CTNNA3: variants seen among roughly 807,000 people sequenced by gnomAD.
CTNNA3 encodes the protein catenin alpha 3, also known as catenin alpha-3.
A neutral mutation model predicts 95.7 loss-of-function variants in CTNNA3; 76 were observed. The ratio of observed to expected loss-of-function variants is 0.79; its 90% CI spans 0.66 to 0.96. The LOEUF (loss-of-function observed/expected upper bound fraction) is 0.96. CTNNA3 is among the 40% of genes least tolerant of loss of function. The pLI is 0.00. For synonymous variants in CTNNA3, 431 were observed against 374.4 expected (o/e 1.15, Z -1.74); for missense variants, 1,191 against 1,089.8 (o/e 1.09, Z -1.31).
intron 3 of CTNNA3, among the ~76,000 whole-genome samples, chr10:67,556,084 T>A (rs1841236905): frequency 6.6e-6 from 1 of 152,206 alleles, no homozygotes; most frequent in Non-Finnish European, 1.5e-5. Flanking sequence ...TGAACCAGCC[T>A]TGCATCCCAG....
chr10:66,143,559 C>T (rs2083724240), intron 13 of CTNNA3, among the ~76,000 whole-genome samples: 1 of 152,146 alleles, frequency 6.6e-6, no homozygotes, highest in Non-Finnish European at 1.5e-5. Flanking sequence ...TTTAAAGCTA[C>T]CACAAATCAA....
intron 14 of CTNNA3, among the ~76,000 whole-genome samples, chr10:66,086,520 T>C (rs2080991172): frequency 6.6e-6 from 1 of 152,006 alleles, no homozygotes; most frequent in South Asian, 2.1e-4. Flanking sequence ...AATAAACATA[T>C]GTTTGCAAAT....
At chr10:66,449,568 G>A (rs1230015765) in intron 11 of CTNNA3, among the ~76,000 whole-genome samples, 2 of 151,844 alleles carry the variant, frequency 1.3e-5, no homozygotes, top group Non-Finnish European at 2.9e-5. Context: ...TTTCAAATGA[G>A]TGCCTTTGGA....
Position 66,747,554 on chromosome 10 carries a change from CACTTAGCTACCTTCCAGTCATA to C in CTNNA3, c.1281+18688_1281+18709del, listed in dbSNP as rs548835951. On this transcript the variant is annotated intron_variant, in intron 9 of 17. Transcript: ENST00000433211. ...TTATGGAAAACTGACCTATGCACGT[CACTTAGCTACCTTCCAGTCATA>C]ACTCAGATCTAATCTTTCTTAGCTC... 3.4e-3 allele frequency among the ~76,000 whole-genome samples: 522 copies of C among 152,308 alleles called. 2 individuals are homozygous for C. Among genetic ancestry groups the C allele is most frequent in the African/African-American group, 8.7e-3 (361 of 41,560 alleles).
intron 9 of CTNNA3, among the ~76,000 whole-genome samples, chr10:66,704,971 C>A (rs147408634): frequency 5.3e-5 from 8 of 152,094 alleles, no homozygotes; most frequent in Admixed American, 5.2e-4. Flanking sequence ...GAGTGAATAT[C>A]CTTGTCTTAT....
At chr10:67,690,627 A>G (rs1486146406) in intron 1 of CTNNA3, among the ~76,000 whole-genome samples, 1 of 152,154 alleles carries the variant, frequency 6.6e-6, no homozygotes. Flanking sequence ...GCTAGACTAG[A>G]CACAGAGCAC....
intron 6 of CTNNA3, among the ~76,000 whole-genome samples, chr10:67,212,510 T>C (rs1864179934): frequency 6.6e-6 from 1 of 151,940 alleles, no homozygotes; most frequent in Non-Finnish European, 1.5e-5. Context: ...AATTTACTCA[T>C]TTTTATTCAT....
intron 13 of CTNNA3, among the ~76,000 whole-genome samples, chr10:66,214,839 C>G (rs1030277951): frequency 9.9e-5 from 15 of 152,004 alleles, no homozygotes; most frequent in African/African-American, 3.6e-4. Context: ...TGCCAGGTGG[C>G]TGCCTGAGGG....
At chr10:66,160,816 C>A (rs1054394775) in intron 13 of CTNNA3, among the ~76,000 whole-genome samples, 3 of 152,098 alleles carry the variant, frequency 2.0e-5, no homozygotes, top group Non-Finnish European at 4.4e-5. Flanking sequence ...CTGTCTATCT[C>A]ATTTCTTAGG....
At chr10:67,264,428 A>G (rs1462179674) in intron 5 of CTNNA3, among the ~76,000 whole-genome samples, 1 of 152,164 alleles carries the variant, frequency 6.6e-6, no homozygotes, top group African/African-American at 2.4e-5. Flanking sequence ...CAGCTATATG[A>G]GGTACTATTT....
intron 5 of CTNNA3, among the ~76,000 whole-genome samples, chr10:67,385,398 A>C (rs557626728): frequency 6.6e-6 from 1 of 152,318 alleles, no homozygotes; most frequent in East Asian, 1.9e-4. Context: ...ATAATAAGGA[A>C]ACTTGAACCA....
Position 66,008,798 on chromosome 10 carries a change from G to C in CTNNA3, c.2160-20001C>G, listed in dbSNP as rs561499185. 1.4e-4 allele frequency among the ~76,000 whole-genome samples: 21 copies of C among 152,248 alleles called. No individual in the cohort carries two copies. The South Asian group carries it at 3.9e-3, about 29-fold the overall frequency. ...AGGAGAAATTTGTGAATGAGTATTA[G>C]AGGATGCAAATCTGTACTTCAGGCC... On this transcript the variant is annotated intron_variant, in intron 15 of 17. Coordinates refer to ENST00000433211, the MANE Select transcript of CTNNA3 (RefSeq NM_013266.4).
chr10:66,006,717 T>A (rs1453992151), intron 15 of CTNNA3, among the ~76,000 whole-genome samples: 1 of 152,176 alleles, frequency 6.6e-6, no homozygotes, highest in African/African-American at 2.4e-5. Context: ...GACCAACTTT[T>A]ATAAGCTCAG....
intron 13 of CTNNA3, among the ~76,000 whole-genome samples, chr10:66,211,584 T>C (rs1234362661): frequency 6.6e-6 from 1 of 152,144 alleles, no homozygotes; most frequent in East Asian, 1.9e-4. Context: ...AAGCCTGTGT[T>C]TGAGTTTAAA....
At chr10:66,845,182 A>G (rs2132358798) in intron 7 of CTNNA3, among the ~76,000 whole-genome samples, 1 of 152,306 alleles carries the variant, frequency 6.6e-6, no homozygotes, top group Non-Finnish European at 1.5e-5. Flanking sequence ...AGGCAATGAG[A>G]AGAAAGAAAG....
rs184087035 is a variant in CTNNA3, at chr10:67,734,109, T to C, written c.-2+29325A>G. 1.9e-3 allele frequency among the ~76,000 whole-genome samples: 294 copies of C among 152,324 alleles called. 2 individuals carry two copies. Among genetic ancestry groups the C allele is most frequent in the Non-Finnish European group, 1.5e-4 (10 of 68,016 alleles). On this transcript the variant is annotated intron_variant, in intron 1 of 17. Transcript: ENST00000684154. ...ACTATGTAATACCCACTTATAGACA[T>C]AAGACCTTATTAAATAGCCTTCCTC...
At chr10:66,134,496 T>C (rs2083262418) in intron 13 of CTNNA3, among the ~76,000 whole-genome samples, 1 of 152,158 alleles carries the variant, frequency 6.6e-6, no homozygotes, top group East Asian at 1.9e-4. Context: ...TTGTATGAGA[T>C]AATTAGAAGT....
intron 7 of CTNNA3, among the ~76,000 whole-genome samples, chr10:66,985,089 T>C (rs1464465550): frequency 1.3e-5 from 2 of 152,210 alleles, no homozygotes; most frequent in African/African-American, 2.4e-5. Context: ...GAATGTTCCT[T>C]CCTAGATATT....
intron 5 of CTNNA3, among the ~76,000 whole-genome samples, chr10:67,511,780 C>T (rs889444784): frequency 6.6e-5 from 10 of 152,128 alleles, no homozygotes; most frequent in African/African-American, 2.2e-4. Flanking sequence ...GTACCAGCTC[C>T]TCTTTGTACC....
Sources: allele counts gnomAD v4.1 joint callset (sites outside exome capture counted in the v4.1 genomes callset), GRCh38; gene constraint gnomAD v4.1.1; transcripts MANE v1.5; gene names NCBI Gene and HGNC (gene_info 2026-07-23, HGNC 2026-07-21).